The following APBB1IP variants were observed in gnomAD, a reference collection of about 807,000 sequenced individuals.
APBB1IP encodes the protein amyloid beta A4 precursor protein-binding family B member 1-interacting protein.
APBB1IP carries 27 observed loss-of-function variants against 64.9 expected under a neutral mutation model. That is an observed-to-expected ratio of 0.42 (90% CI 0.31 to 0.57). The LOEUF (loss-of-function observed/expected upper bound fraction) is 0.57, where lower values mean the gene tolerates loss of function less well. APBB1IP is among the 20% of genes least tolerant of loss of function. The pLI, the probability that APBB1IP is intolerant of heterozygous loss-of-function variation, is 0.20. For synonymous variants in APBB1IP, 392 were observed against 331.0 expected, an observed-to-expected ratio of 1.18 and a Z score of -2.00; for missense variants, 812 against 845.5, an observed-to-expected ratio of 0.96 and a Z score of 0.49.
At chr10:26,527,783 C>T in intron 8 of APBB1IP, among the ~76,000 whole-genome samples, 1 of 150,584 alleles carries the variant, frequency 6.6e-6, no homozygotes, top group Admixed American at 6.6e-5. Context: ...ACCTCTGCCT[C>T]CCGGGTTCAA....
At chr10:26,509,296 A>G (rs925855394) in intron 6 of APBB1IP, among the ~76,000 whole-genome samples, 1 of 106,864 alleles carries the variant, frequency 9.4e-6, no homozygotes, top group East Asian at 2.6e-4. Context: ...TTCAAGGGGG[A>G]AAAAAAAGTG....
At chr10:26,469,966 C>A (rs12245726) in intron 2 of APBB1IP, among the ~76,000 whole-genome samples, 2,400 of 152,208 alleles carry the variant, frequency 0.016, 71 homozygotes, top group African/African-American at 0.054. Context: ...TCACTAACTA[C>A]AACCAACAAC....
At chr10:26,461,752 C>G (rs1056676794) in intron 2 of APBB1IP, among the ~76,000 whole-genome samples, 1 of 151,888 alleles carries the variant, frequency 6.6e-6, no homozygotes, top group Non-Finnish European at 1.5e-5. Context: ...CTTCTTTTAT[C>G]CATATAGTTT....
intron 6 of APBB1IP, among the ~76,000 whole-genome samples, chr10:26,503,650 A>G (rs1836134992): frequency 6.6e-6 from 1 of 152,232 alleles, no homozygotes; most frequent in Admixed American, 6.5e-5. Flanking sequence ...CAAGAAAAAA[A>G]GAAAAAAAGA....
At chr10:26,525,290 AAAAG>A (rs903313840) in intron 8 of APBB1IP, among the ~76,000 whole-genome samples, 2 of 152,030 alleles carry the variant, frequency 1.3e-5, no homozygotes, top group Non-Finnish European at 2.9e-5. Context: ...AAAAAAGAAA[AAAAG>A]AAAGCTCAGA....
At chr10:26,456,883 G>A (rs1835532789) in intron 2 of APBB1IP, among the ~76,000 whole-genome samples, 1 of 152,082 alleles carries the variant, frequency 6.6e-6, no homozygotes, top group Non-Finnish European at 1.5e-5. Flanking sequence ...TGGAAGACCT[G>A]TACTAGGATG....
intron 11 of APBB1IP, among the ~76,000 whole-genome samples, chr10:26,553,128 T>C (rs932796453): frequency 1.3e-5 from 2 of 151,870 alleles, no homozygotes; most frequent in Non-Finnish European, 2.9e-5. Flanking sequence ...TTCAAGCAAT[T>C]CTCCTGCCTC....
rs767372042 is a variant in APBB1IP, at chr10:26,492,380, G to A, written c.54G>A (p.Glu18=). The stretch of plus-strand genomic sequence containing the variant: ...AAATGTTCAGCACTTTGCTGGGAGA[G>A]ATGGATCTTCTGACTCAGGTAAACT... ...IDQMFSTLLG[E]MDLLTQSLGV... is the part of the protein sequence containing the mutation. Residue 18 remains glutamate, a synonymous_variant, in exon 3 of 15, where the codon GAG becomes GAA. Coordinates refer to ENST00000376236, the MANE Select transcript of APBB1IP (RefSeq NM_019043.4). 1 of 1,614,042 alleles carries A rather than the reference G, an allele frequency of 6.2e-7. No homozygotes were observed. Among genetic ancestry groups the A allele is most frequent in the South Asian group, 1.1e-5 (1 of 91,048 alleles).
At position 26,536,058 on chromosome 10, in the gene APBB1IP, G is replaced by A. The variant is rs1836618985; in HGVS notation, c.901-16G>A. The A allele has an allele frequency of 6.4e-7, 1 of 1,572,064 alleles. No homozygotes were observed. The highest frequency in any genetic ancestry group is 8.6e-7 in the Non-Finnish European group (1 of 1,164,982). ...TCTTTCGTGTGTGTCTTATGTCGTC[G>A]GAATCTCACTTTCAGGAAAGTTTCT... On this transcript the variant is annotated splice_polypyrimidine_tract_variant and intron_variant, in intron 9 of 14. Coordinates refer to ENST00000376236, the MANE Select transcript of APBB1IP (RefSeq NM_019043.4).
chr10:26,511,176 A>T (rs929083979), intron 6 of APBB1IP, among the ~76,000 whole-genome samples: 1 of 152,034 alleles, frequency 6.6e-6, no homozygotes, highest in East Asian at 1.9e-4. Context: ...CGCCATCTCC[A>T]CTGGAAAAAG....
At chr10:26,501,163 A>C (rs754448838) in intron 5 of APBB1IP, 52 bp downstream of exon 5, 45 of 1,608,438 alleles carry the variant, frequency 2.8e-5, no homozygotes, top group Non-Finnish European at 3.7e-5. Context: ...GCTACCTATC[A>C]CTGATGTTCC....
chr10:26,497,437 G>C (rs1193369668), intron 4 of APBB1IP, among the ~76,000 whole-genome samples: 1 of 151,708 alleles, frequency 6.6e-6, no homozygotes, highest in Non-Finnish European at 1.5e-5. Flanking sequence ...TGTAGTCCCA[G>C]GTACCTGGGA....
At chr10:26,468,678 AAC>A (rs1835675884) in intron 2 of APBB1IP, among the ~76,000 whole-genome samples, 1 of 152,130 alleles carries the variant, frequency 6.6e-6, no homozygotes, top group Non-Finnish European at 1.5e-5. Flanking sequence ...GTTTTGCACC[AAC>A]CTAATATAAC....
At chr10:26,458,801 AC>A (rs575779623) in intron 2 of APBB1IP, among the ~76,000 whole-genome samples, 5 of 152,160 alleles carry the variant, frequency 3.3e-5, no homozygotes, top group Non-Finnish European at 7.4e-5. Flanking sequence ...ATTATTATCT[AC>A]TTTATTCTTA....
chr10:26,503,462 C>T (rs767274207), intron 6 of APBB1IP, among the ~76,000 whole-genome samples, 188 bp downstream of exon 6: 1 of 152,018 alleles, frequency 6.6e-6, no homozygotes, highest in African/African-American at 2.4e-5. Context: ...GGCAAAACCC[C>T]GTCTCTACTA....
intron 2 of APBB1IP, among the ~76,000 whole-genome samples, chr10:26,475,183 T>C (rs865799353): frequency 6.0e-5 from 9 of 151,240 alleles, no homozygotes; most frequent in Admixed American, 1.3e-4. Flanking sequence ...AGTGCAGTGG[T>C]GCAATCTCGG....
intron 11 of APBB1IP, among the ~76,000 whole-genome samples, chr10:26,544,073 T>C (rs1279137237): frequency 6.6e-6 from 1 of 152,216 alleles, no homozygotes; most frequent in African/African-American, 2.4e-5. Flanking sequence ...GAATGAGAAC[T>C]CAGGCAGTGC....
chr10:26,475,358 C>G (rs570620379), intron 2 of APBB1IP, among the ~76,000 whole-genome samples: 2 of 152,042 alleles, frequency 1.3e-5, no homozygotes, highest in East Asian at 3.9e-4. Context: ...CCTGACCTCA[C>G]GTGATCTGCC....
intron 8 of APBB1IP, among the ~76,000 whole-genome samples, chr10:26,524,485 C>T (rs1429847823): frequency 6.6e-6 from 1 of 152,148 alleles, no homozygotes; most frequent in Non-Finnish European, 1.5e-5. Context: ...GCTCAAATTA[C>T]ACAGTCTCAG....
Sources: allele counts gnomAD v4.1 joint callset (sites outside exome capture counted in the v4.1 genomes callset), GRCh38; gene constraint gnomAD v4.1.1; transcripts MANE v1.5; gene names NCBI Gene and HGNC (gene_info 2026-07-23, HGNC 2026-07-21).